ZRANB3: variants seen among roughly 807,000 people sequenced by gnomAD.
ZRANB3 encodes the protein DNA annealing helicase and endonuclease ZRANB3.
In ZRANB3, 125 loss-of-function variants were observed where a neutral mutation model predicts 133.8. The ratio of observed to expected loss-of-function variants is 0.93; its 90% CI spans 0.81 to 1.08. The LOEUF is 1.08. Ranked by LOEUF, ZRANB3 falls within the 50% of genes least tolerant of loss-of-function variation. The pLI, the probability that ZRANB3 is intolerant of heterozygous loss-of-function variation, is 0.00. For synonymous variants in ZRANB3, 387 were observed against 432.7 expected (o/e 0.89, Z 1.31); for missense variants, 1,229 against 1,275.5 (o/e 0.96, Z 0.56).
At chr2:135,240,662 T>G (rs934754880) in intron 12 of ZRANB3, among the ~76,000 whole-genome samples, 2 of 152,184 alleles carry the variant, frequency 1.3e-5, no homozygotes, top group Non-Finnish European at 2.9e-5. Context: ...CATTGGAGTC[T>G]TGACCTCCTG....
chr2:135,374,825 G>GTTTATTAGATATA (rs1278937083), intron 3 of ZRANB3, among the ~76,000 whole-genome samples: 3 of 151,944 alleles, frequency 2.0e-5, no homozygotes, highest in Non-Finnish European at 4.4e-5. Flanking sequence ...ATAAAGACTT[G>GTTTATTAGATATA]TACTTAAAAT....
At chr2:135,415,068 T>C (rs560648059) in intron 2 of ZRANB3, among the ~76,000 whole-genome samples, 24 of 150,206 alleles carry the variant, frequency 1.6e-4, no homozygotes, top group Admixed American at 1.5e-3. Flanking sequence ...AGCAAACACA[T>C]TCAAAAGCTA....
chr2:135,420,100 T>TATATATATATATATATA (rs1688772053), intron 2 of ZRANB3, among the ~76,000 whole-genome samples: 2 of 85,070 alleles, frequency 2.4e-5, no homozygotes, highest in South Asian at 1.0e-3. Context: ...TTTATATATA[T>TATATATATATATATATA]ATATATATAT....
chr2:135,464,796 C>T (rs1690911674), intron 2 of ZRANB3, among the ~76,000 whole-genome samples: 1 of 152,182 alleles, frequency 6.6e-6, no homozygotes, highest in Non-Finnish European at 1.5e-5. Flanking sequence ...GTATAAGGAT[C>T]TGTCTTTCAT....
At chr2:135,286,752 T>C (rs555717869) in intron 8 of ZRANB3, among the ~76,000 whole-genome samples, 1 of 152,298 alleles carries the variant, frequency 6.6e-6, no homozygotes, top group East Asian at 1.9e-4. Flanking sequence ...GCCCACTTTT[T>C]GATGGGATTA....
chr2:135,399,654 T>A (rs1558970812), intron 2 of ZRANB3, among the ~76,000 whole-genome samples: 1 of 152,228 alleles, frequency 6.6e-6, no homozygotes, highest in Non-Finnish European at 1.5e-5. Flanking sequence ...GTATTGTTAC[T>A]AAAAATATTT....
intron 2 of ZRANB3, among the ~76,000 whole-genome samples, chr2:135,466,015 G>T (rs1481448209): frequency 6.6e-6 from 1 of 152,142 alleles, no homozygotes; most frequent in Non-Finnish European, 1.5e-5. Context: ...TTTAAATTAG[G>T]TATTTGAAGA....
chr2:135,379,992 A>G (rs1172967410), intron 3 of ZRANB3, among the ~76,000 whole-genome samples: 1 of 152,210 alleles, frequency 6.6e-6, no homozygotes, highest in Non-Finnish European at 1.5e-5. Context: ...GAAAGCAAAA[A>G]AAAAGCAGGG....
chr2:135,520,766 G>C (rs914411896), intron 1 of ZRANB3, among the ~76,000 whole-genome samples: 1 of 151,834 alleles, frequency 6.6e-6, no homozygotes, highest in Non-Finnish European at 1.5e-5. Context: ...TGTGTTTTTA[G>C]TAGAGACGGG....
At chr2:135,315,019 A>G (rs1226512920) in intron 7 of ZRANB3, among the ~76,000 whole-genome samples, 1 of 152,118 alleles carries the variant, frequency 6.6e-6, no homozygotes, top group Non-Finnish European at 1.5e-5. Context: ...TGCCCACCTC[A>G]GCCTCCCAAA....
intron 9 of ZRANB3, among the ~76,000 whole-genome samples, chr2:135,274,577 T>C (rs1460716810): frequency 6.6e-6 from 1 of 152,172 alleles, no homozygotes; most frequent in Non-Finnish European, 1.5e-5. Flanking sequence ...TGGCAGCATA[T>C]CTTTTTTTTT....
intron 12 of ZRANB3, among the ~76,000 whole-genome samples, chr2:135,246,497 T>C (rs1695808665): frequency 6.6e-6 from 1 of 152,138 alleles, no homozygotes; most frequent in Admixed American, 6.6e-5. Flanking sequence ...GCAAACAGAA[T>C]GCTTCCCAAA....
At chr2:135,220,861 T>A (rs569612342) in intron 15 of ZRANB3, among the ~76,000 whole-genome samples, 61 of 149,542 alleles carry the variant, frequency 4.1e-4, no homozygotes, top group East Asian at 1.4e-3. Context: ...GGAATTTATT[T>A]TTTTTTTTTT....
chr2:135,245,841 G>A (rs113178161), intron 12 of ZRANB3, among the ~76,000 whole-genome samples: 5,606 of 136,124 alleles, frequency 0.041, 410 homozygotes, highest in African/African-American at 0.15. Flanking sequence ...CAGGAGAATC[G>A]CTTGAACCTG....
At chr2:135,386,718 A>G (rs1686993086) in intron 3 of ZRANB3, among the ~76,000 whole-genome samples, 1 of 152,148 alleles carries the variant, frequency 6.6e-6, no homozygotes, top group Admixed American at 6.5e-5. Flanking sequence ...TGGAAACCAT[A>G]ATTCTCAGCA....
chr2:135,233,517 GA>G (rs1384255892), intron 12 of ZRANB3, among the ~76,000 whole-genome samples: 1 of 152,120 alleles, frequency 6.6e-6, no homozygotes, highest in East Asian at 1.9e-4. Context: ...TGAAATGAAG[GA>G]AAAAATGTTA....
chr2:135,384,692 T>C (rs1405144225), intron 3 of ZRANB3, among the ~76,000 whole-genome samples: 2 of 152,094 alleles, frequency 1.3e-5, no homozygotes, highest in Non-Finnish European at 2.9e-5. Flanking sequence ...GTTCAACATA[T>C]GCAAATCAAT....
intron 2 of ZRANB3, among the ~76,000 whole-genome samples, chr2:135,462,573 TCCTC>T (rs1397123920): frequency 4.0e-5 from 6 of 150,668 alleles, no homozygotes; most frequent in African/African-American, 1.5e-4. Context: ...CTTCCTTCCT[TCCTC>T]CCTCCCTCTC....
rs117209030 is a variant in ZRANB3, at chr2:135,339,210, G to A, written c.677+6340C>T. Among the ~76,000 whole-genome samples, 49 of 152,210 alleles carry A rather than the reference G, an allele frequency of 3.2e-4. No individual in the cohort carries two copies. In the East Asian group the frequency reaches 8.9e-3, roughly 28 times the overall value. On this transcript the variant is annotated intron_variant, in intron 6 of 20. Coordinates refer to ENST00000264159, the MANE Select transcript of ZRANB3 (RefSeq NM_032143.4). ...GCGGAACACCTCAGGTCAGGAGTTC[G>A]AGAACAGCTTCACCAATGTGGTAAA...
Sources: gnomAD v4.1 joint callset for allele counts (sites outside exome capture counted in the v4.1 genomes callset) on GRCh38, gnomAD v4.1.1 for gene constraint, MANE v1.5 for transcripts, NCBI Gene and HGNC (gene_info 2026-07-23, HGNC 2026-07-21) for gene names.